Variants in PCDHA5 observed in about 807,000 individuals in gnomAD.
PCDHA5 encodes protocadherin alpha 5, also known as protocadherin alpha-5.
Under a neutral mutation model 61.6 loss-of-function variants are expected in PCDHA5, and 43 were observed. The observed-to-expected ratio is 0.70, with a 90% CI of 0.55 to 0.90. The LOEUF (loss-of-function observed/expected upper bound fraction) is 0.90. PCDHA5 is among the 40% of genes least tolerant of loss of function. PCDHA5 has a pLI of 0.00. For missense variants in PCDHA5, 1,298 were observed against 1,222.7 expected, an observed-to-expected ratio of 1.06 and a Z score of -0.92; for synonymous variants, 627 against 543.9, an observed-to-expected ratio of 1.15 and a Z score of -2.13.
chr5:140,968,373 C>T (rs1554230649), intron 1 of PCDHA5: 1 of 1,614,034 alleles, frequency 6.2e-7, no homozygotes, highest in African/African-American at 1.3e-5. Context: ...GCTGTCAACT[C>T]CTTTGACTAT....
intron 1 of PCDHA5, chr5:140,869,467 G>A: frequency 6.2e-7 from 1 of 1,614,204 alleles, no homozygotes; most frequent in South Asian, 1.1e-5. Context: ...TGTGAACGTG[G>A]AGGTGAAGGA....
chr5:140,892,489 G>A (rs1554185225), intron 1 of PCDHA5, among the ~76,000 whole-genome samples: 1 of 152,180 alleles, frequency 6.6e-6, no homozygotes, highest in Non-Finnish European at 1.5e-5. Context: ...CCAAACATGA[G>A]AGATTGTTTA....
intron 1 of PCDHA5, among the ~76,000 whole-genome samples, chr5:140,921,992 C>A (rs963694302): frequency 6.6e-6 from 1 of 151,842 alleles, no homozygotes; most frequent in South Asian, 2.1e-4. Context: ...AAAAAGAGTT[C>A]AATGAAATGA....
chr5:140,991,981 T>C (rs2097483028), intron 3 of PCDHA5, among the ~76,000 whole-genome samples: 1 of 152,008 alleles, frequency 6.6e-6, no homozygotes, highest in South Asian at 2.1e-4. Flanking sequence ...TTATTCTGCC[T>C]ACCACCCGGT....
At chr5:140,998,853 T>G (rs575455675) in intron 3 of PCDHA5, among the ~76,000 whole-genome samples, 1 of 152,346 alleles carries the variant, frequency 6.6e-6, no homozygotes, top group South Asian at 2.1e-4. Flanking sequence ...GTGAGCCACA[T>G]GCCTGGCCTT....
intron 1 of PCDHA5, chr5:140,850,222 C>T (rs1554144012): frequency 6.3e-7 from 1 of 1,593,746 alleles, no homozygotes; most frequent in East Asian, 2.2e-5. Flanking sequence ...ACTGACGGCG[C>T]AGTGAGCGAG....
intron 1 of PCDHA5, among the ~76,000 whole-genome samples, chr5:140,911,564 CTT>C (rs1188784239): frequency 6.6e-6 from 1 of 152,226 alleles, no homozygotes. Flanking sequence ...TCTTTCATCA[CTT>C]TGTCCAGTGA....
At chr5:140,829,853 G>GGCCAA (rs1554132325) in intron 1 of PCDHA5, 1 of 1,613,852 alleles carries the variant, frequency 6.2e-7, no homozygotes, top group East Asian at 2.2e-5. Context: ...ACTGGGTGCA[G>GGCCAA]GCCAAGTGGT....
Position 140,849,728 on chromosome 5 carries a change from A to C in PCDHA5, c.2352+25601A>C, listed in dbSNP as rs144507871. ...ATTACTACTCGTTGGTGCTGGACAG[A>C]GCTCTGGACCGCGAGAGTGTGTCCG... On this transcript the variant is annotated intron_variant, in intron 1 of 3. Transcript: ENST00000529859. 513 of 1,598,410 alleles carry C rather than the reference A, an allele frequency of 3.2e-4. 33 individuals carry two copies. In the African/African-American group the frequency reaches 4.5e-3, roughly 14 times the overall value.
chr5:140,990,518 T>G (rs2097397992), intron 3 of PCDHA5, among the ~76,000 whole-genome samples: 1 of 152,314 alleles, frequency 6.6e-6, no homozygotes, highest in South Asian at 2.1e-4. Context: ...CTCTCTTGTC[T>G]TTTTTGACTG....
chr5:141,007,377 AC>A lies in PCDHA5; in HGVS notation c.2501-2248del, dbSNP rs1563708435. Among the ~76,000 whole-genome samples, 4 of 136,616 alleles carry A rather than the reference AC, an allele frequency of 2.9e-5. No individual in the cohort carries two copies. The East Asian group carries it at 8.7e-4, about 30-fold the overall frequency. The allele number at this position is 136,616 out of a possible 152,430, so 89.6% of individuals were successfully genotyped here. ...ACCAGCCTGGGCAACATGATGGAAC[AC>A]CATCTCTACTAAAATACAAAAAAAA... On this transcript the variant is annotated intron_variant, in intron 3 of 3. Transcript: ENST00000529859.
chr5:140,821,850 A>T lies in PCDHA5; in HGVS notation c.75A>T (p.Ala25=). 6.2e-7 allele frequency: 1 copy of T among 1,614,180 alleles called. No homozygotes were observed. Among genetic ancestry groups the T allele is most frequent in the Non-Finnish European group, 8.5e-7 (1 of 1,180,020 alleles). Residue 25 remains alanine (A), a synonymous_variant, in exon 1 of 4, where the codon GCA becomes GCT. Transcript: ENST00000529859. ...LLWLLLAYWK[A]GSGQLHYSIP... ...GGCTTCTCCTTGCCTACTGGAAGGCAGGGAGCGGCCAGCTCCACTACTCGA... is the reference window on the plus strand; with the variant it reads ...GGCTTCTCCTTGCCTACTGGAAGGCTGGGAGCGGCCAGCTCCACTACTCGA...
chr5:140,870,793 C>T, intron 1 of PCDHA5: 2 of 1,613,678 alleles, frequency 1.2e-6, no homozygotes, highest in Non-Finnish European at 1.7e-6. Context: ...CGCGCCGGCA[C>T]TGCTGGCGAC....
chr5:140,926,798 C>T (rs1584463033), intron 1 of PCDHA5: 2 of 1,455,342 alleles, frequency 1.4e-6, no homozygotes, highest in East Asian at 2.5e-5. Context: ...GGAGCGTGCT[C>T]TTCCCCGCGG....
At chr5:140,832,847 C>T (rs1022397491) in intron 1 of PCDHA5, among the ~76,000 whole-genome samples, 2 of 151,966 alleles carry the variant, frequency 1.3e-5, no homozygotes, top group African/African-American at 4.8e-5. Flanking sequence ...TGAAGGAGAC[C>T]GTGAAGAGTC....
At chr5:140,828,377 T>C in intron 1 of PCDHA5, 1 of 1,614,222 alleles carries the variant, frequency 6.2e-7, no homozygotes, top group Non-Finnish European at 8.5e-7. Flanking sequence ...CGAGGAGCTG[T>C]GCGGGCGGAG....
Position 140,822,953 on chromosome 5 carries a change from C to G in PCDHA5, c.1178C>G (p.Pro393Arg), listed in dbSNP as rs2150120717. Residue 393 changes from proline (P) to arginine (R), a missense_variant, in exon 1 of 4, where the codon CCC becomes CGC. By Grantham distance (103) the Pro-to-Arg change is moderately radical. Transcript: ENST00000529859. ...ACCTGCTCCCTAATGCCCCACGTTC[C>G]CTTCAAGCTGGTGTCCACCTTCAAG... ...QVTCSLMPHV[P>R]FKLVSTFKNY... 6.2e-7 allele frequency: 1 copy of G among 1,614,236 alleles called. No homozygotes were observed. Among genetic ancestry groups the G allele is most frequent in the East Asian group, 2.2e-5 (1 of 44,888 alleles).
At chr5:140,963,128 T>A (rs1283011021) in intron 1 of PCDHA5, among the ~76,000 whole-genome samples, 1 of 152,144 alleles carries the variant, frequency 6.6e-6, no homozygotes, top group African/African-American at 2.4e-5. Context: ...AGAGATAATA[T>A]TAAATTATTT....
chr5:140,850,279 G>A lies in PCDHA5; in HGVS notation c.2352+26152G>A, dbSNP rs140634296. On this transcript the variant is annotated intron_variant, in intron 1 of 3. Coordinates refer to ENST00000529859, the MANE Select transcript of PCDHA5 (RefSeq NM_018908.3). ...GCCGGCGTAGTGGTGGGGAAGGTGC[G>A]CGCAGTGGACGCCGACTCGGGCTAC... The A allele has an allele frequency of 3.4e-5, 54 of 1,595,452 alleles. 4 individuals carry two copies. The highest frequency in any genetic ancestry group is 4.5e-5 in the Non-Finnish European group (53 of 1,167,590).
Sources: gnomAD v4.1 joint callset for allele counts (sites outside exome capture counted in the v4.1 genomes callset) on GRCh38, gnomAD v4.1.1 for gene constraint, MANE v1.5 for transcripts, NCBI Gene and HGNC (gene_info 2026-07-23, HGNC 2026-07-21) for gene names.